The following FUT8 variants were observed in gnomAD, a reference collection of about 807,000 sequenced individuals.
The protein encoded by FUT8 is alpha-(1,6)-fucosyltransferase.
Under a neutral mutation model 71.3 loss-of-function variants are expected in FUT8, and 29 were observed. The ratio of observed to expected loss-of-function variants is 0.41; its 90% CI spans 0.30 to 0.55. The LOEUF (loss-of-function observed/expected upper bound fraction) is 0.55. Ranked by LOEUF, FUT8 falls within the 20% of genes least tolerant of loss-of-function variation. FUT8 has a pLI of 0.34. For missense variants in FUT8, 544 were observed against 702.1 expected, an observed-to-expected ratio of 0.77 and a Z score of 2.55; for synonymous variants, 254 against 239.3, an observed-to-expected ratio of 1.06 and a Z score of -0.57.
intron 6 of FUT8, among the ~76,000 whole-genome samples, chr14:65,641,001 T>C (rs934395310): frequency 2.0e-5 from 3 of 152,206 alleles, no homozygotes; most frequent in Non-Finnish European, 4.4e-5. Context: ...TCTTTTTTTC[T>C]TCTACAGCCT....
At position 65,652,820 on chromosome 14, in the gene FUT8, A is replaced by G. The variant is rs1891473777; in HGVS notation, c.598-16423A>G. On this transcript the variant is annotated intron_variant, in intron 6 of 10. Coordinates refer to ENST00000673929, the MANE Select transcript of FUT8 (RefSeq NM_001371533.1). This position sits in a 1 kb window ranked among gnomAD's most constrained non-coding sequence, Gnocchi z 4.0. ...CTGTTAACAGGACCTCATGTGGAATACTTGAAGGCTGGGCTGGAATCATCT... is the reference window on the plus strand; with the variant it reads ...CTGTTAACAGGACCTCATGTGGAATGCTTGAAGGCTGGGCTGGAATCATCT... 6.6e-6 allele frequency among the ~76,000 whole-genome samples: 1 copy of G among 152,206 alleles called. No homozygotes were observed. The highest frequency in any genetic ancestry group is 1.5e-5 in the Non-Finnish European group (1 of 68,024).
At chr14:65,543,518 T>C (rs1884807139) in intron 2 of FUT8, among the ~76,000 whole-genome samples, 1 of 152,178 alleles carries the variant, frequency 6.6e-6, no homozygotes, top group Non-Finnish European at 1.5e-5. Context: ...TAATAGAGAA[T>C]AATGGAAGAG....
intron 7 of FUT8, among the ~76,000 whole-genome samples, chr14:65,699,036 G>A (rs377528479): frequency 6.6e-6 from 1 of 151,836 alleles, no homozygotes; most frequent in Non-Finnish European, 1.5e-5. Context: ...ATCAAATGTC[G>A]GGACCAGGGA....
chr14:65,573,639 C>T (rs1435486915), intron 3 of FUT8, among the ~76,000 whole-genome samples: 1 of 151,518 alleles, frequency 6.6e-6, no homozygotes, highest in Non-Finnish European at 1.5e-5. Flanking sequence ...AAGAGGATCA[C>T]TTGAGTCCAG....
chr14:65,577,381 A>G (rs907921600), intron 3 of FUT8, among the ~76,000 whole-genome samples: 2 of 152,098 alleles, frequency 1.3e-5, no homozygotes, highest in African/African-American at 4.8e-5. Flanking sequence ...CAAGTCGACC[A>G]CTTACTAACT....
At chr14:65,601,555 T>A (rs1325406141) in intron 3 of FUT8, among the ~76,000 whole-genome samples, 1 of 152,116 alleles carries the variant, frequency 6.6e-6, no homozygotes, top group Non-Finnish European at 1.5e-5. Context: ...GTTTAAAAAA[T>A]TTTTTCTTAT....
intron 3 of FUT8, among the ~76,000 whole-genome samples, chr14:65,609,562 T>C (rs1888768708): frequency 6.6e-6 from 1 of 151,998 alleles, no homozygotes; most frequent in South Asian, 2.1e-4. Flanking sequence ...TGTCCATTTA[T>C]GTGTGGGCCT....
intron 3 of FUT8, among the ~76,000 whole-genome samples, chr14:65,610,110 A>T (rs1888805044): frequency 6.6e-6 from 1 of 151,900 alleles, no homozygotes; most frequent in Non-Finnish European, 1.5e-5. Context: ...ACAACATCAG[A>T]TTTTCAACAT....
chr14:65,724,697 A>G (rs1895591295), intron 9 of FUT8, among the ~76,000 whole-genome samples: 1 of 152,198 alleles, frequency 6.6e-6, no homozygotes, highest in Admixed American at 6.5e-5. Flanking sequence ...TGTTTCTCCC[A>G]GGTCTGAGGC....
intron 1 of FUT8, among the ~76,000 whole-genome samples, chr14:65,418,265 G>A (rs1157340408): frequency 6.6e-6 from 1 of 152,198 alleles, no homozygotes; most frequent in African/African-American, 2.4e-5. Flanking sequence ...AAATGAACCT[G>A]TGTATCTGTC....
the FUT8 span, among the ~76,000 whole-genome samples, chr14:65,359,312 T>C: frequency 6.6e-6 from 1 of 152,224 alleles, no homozygotes; most frequent in African/African-American, 2.4e-5. Context: ...GGCACATTCA[T>C]TTTCTTGTGT....
At chr14:65,494,725 A>G (rs150188295) in intron 2 of FUT8, among the ~76,000 whole-genome samples, 3,837 of 152,164 alleles carry the variant, frequency 0.025, 155 homozygotes, top group African/African-American at 0.088. Flanking sequence ...TAAGCCCCGC[A>G]TGCATTAGGT....
the FUT8 span, among the ~76,000 whole-genome samples, chr14:65,375,383 G>C: frequency 6.6e-6 from 1 of 152,206 alleles, no homozygotes; most frequent in Non-Finnish European, 1.5e-5. Flanking sequence ...ACTTTGGAAG[G>C]CTGAGGAGGG....
intron 2 of FUT8, among the ~76,000 whole-genome samples, chr14:65,542,961 T>C (rs977464036): frequency 5.9e-5 from 9 of 152,146 alleles, no homozygotes; most frequent in Non-Finnish European, 1.3e-4. Flanking sequence ...TTTGTATTTT[T>C]AGTAGAGATG....
At chr14:65,653,386 T>C (rs1891507438) in intron 6 of FUT8, among the ~76,000 whole-genome samples, 1 of 152,330 alleles carries the variant, frequency 6.6e-6, no homozygotes, top group Non-Finnish European at 1.5e-5. Flanking sequence ...CTGTGATTTA[T>C]TAACTTTAGT....
chr14:65,693,280 G>A (rs1365647723), intron 7 of FUT8, among the ~76,000 whole-genome samples: 4 of 152,366 alleles, frequency 2.6e-5, no homozygotes, highest in Admixed American at 6.5e-5. Flanking sequence ...CGAGGCTGGC[G>A]GATCACTCGC....
At chr14:65,379,246 G>A in the FUT8 span, among the ~76,000 whole-genome samples, 2 of 152,102 alleles carry the variant, frequency 1.3e-5, no homozygotes, top group African/African-American at 4.8e-5. Flanking sequence ...TATCTAGTGA[G>A]TGGCCAGGTG....
At chr14:65,499,891 T>C (rs1341980185) in intron 2 of FUT8, among the ~76,000 whole-genome samples, 1 of 152,046 alleles carries the variant, frequency 6.6e-6, no homozygotes, top group Non-Finnish European at 1.5e-5. Context: ...CTCTCTAAAA[T>C]AGTCTTCTTA....
At chr14:65,690,503 A>G (rs1386529613) in intron 7 of FUT8, among the ~76,000 whole-genome samples, 1 of 152,178 alleles carries the variant, frequency 6.6e-6, no homozygotes, top group African/African-American at 2.4e-5. Flanking sequence ...TGAGTCTTCT[A>G]TCCATGAACC....
Sources: allele counts gnomAD v4.1 joint callset (sites outside exome capture counted in the v4.1 genomes callset), GRCh38; gene constraint gnomAD v4.1.1; non-coding constraint Gnocchi (gnomAD v3.1); transcripts MANE v1.5; gene names NCBI Gene and HGNC (gene_info 2026-07-23, HGNC 2026-07-21).